Variants in SATL1 observed in about 807,000 individuals in gnomAD.
SATL1 encodes spermidine/spermine N1-acetyl transferase like 1, also known as spermidine/spermine N(1)-acetyltransferase-like protein 1.
In SATL1, 47 loss-of-function variants were observed where a neutral mutation model predicts 51.8. The observed-to-expected ratio is 0.91, with a 90% CI of 0.72 to 1.16. SATL1 has a LOEUF of 1.16. SATL1 is among the 50% of genes most tolerant of loss of function. SATL1 has a pLI of 0.00. For synonymous variants in SATL1, 176 were observed against 182.4 expected (o/e 0.97, Z 0.28); for missense variants, 520 against 526.4 (o/e 0.99, Z 0.12).
chrX:85,155,580 G>C (rs1328229835), intron 2 of SATL1, among the ~76,000 whole-genome samples: 3 of 112,050 alleles, frequency 2.7e-5, no homozygotes, highest in Non-Finnish European at 5.6e-5. Context: ...AAATAATTAA[G>C]CTGCTTTATT....
chrX:85,095,539 G>A (rs1924679358), intron 4 of SATL1, among the ~76,000 whole-genome samples: 1 of 110,194 alleles, frequency 9.1e-6, no homozygotes, highest in Non-Finnish European at 1.9e-5. Flanking sequence ...ACTAGATAAA[G>A]ATGGAGGCCG....
chrX:85,121,158 T>A (rs1314413199), intron 2 of SATL1, among the ~76,000 whole-genome samples: 1 of 109,890 alleles, frequency 9.1e-6, no homozygotes, highest in Admixed American at 9.9e-5. Context: ...CCAACCTACC[T>A]CATAGATTTT....
intron 2 of SATL1, among the ~76,000 whole-genome samples, chrX:85,148,158 C>T (rs1375427706): frequency 2.7e-5 from 3 of 111,408 alleles, no homozygotes; most frequent in Non-Finnish European, 3.8e-5. Context: ...AGCCAAGGCT[C>T]GAGAACTACG....
chrX:85,146,980 G>A (rs1030012266), intron 2 of SATL1, among the ~76,000 whole-genome samples: 6 of 112,617 alleles, frequency 5.3e-5, no homozygotes, highest in African/African-American at 9.7e-5. Flanking sequence ...AGGACAGTGG[G>A]TGCAGCGCAC....
At chrX:85,196,288 A>T (rs1569245377) in intron 2 of SATL1, among the ~76,000 whole-genome samples, 1 of 111,952 alleles carries the variant, frequency 8.9e-6, no homozygotes, top group Non-Finnish European at 1.9e-5. Context: ...GAAAAAATAA[A>T]GTAAAATAAA....
intron 2 of SATL1, among the ~76,000 whole-genome samples, chrX:85,220,687 A>AAAAAAAAAC (rs1569249782): frequency 1.1e-5 from 1 of 91,902 alleles, no homozygotes; most frequent in Non-Finnish European, 2.1e-5. Context: ...AAAAAAAAAA[A>AAAAAAAAAC]CTCTCCTGGA....
intron 2 of SATL1, among the ~76,000 whole-genome samples, chrX:85,194,539 T>G (rs1927509584): frequency 9.0e-6 from 1 of 111,267 alleles, no homozygotes; most frequent in Admixed American, 9.6e-5. Flanking sequence ...TGATTTGGAT[T>G]ACTGGGTGTT....
At chrX:85,137,628 A>G (rs112714019) in intron 2 of SATL1, among the ~76,000 whole-genome samples, 4,658 of 111,280 alleles carry the variant, frequency 0.042, 262 homozygotes, top group African/African-American at 0.15. Context: ...TTATATATCT[A>G]GGTATAGCGT....
At chrX:85,126,862 C>T (rs1190611239) in intron 2 of SATL1, among the ~76,000 whole-genome samples, 1 of 107,233 alleles carries the variant, frequency 9.3e-6, no homozygotes, top group Non-Finnish European at 1.9e-5. Context: ...ACCCCTCCCA[C>T]CCCATTTTGG....
At chrX:85,131,273 TG>T (rs1267516733) in intron 2 of SATL1, among the ~76,000 whole-genome samples, 1 of 111,449 alleles carries the variant, frequency 9.0e-6, no homozygotes. Flanking sequence ...TATTATTGTA[TG>T]GGGGTCTAAG....
chrX:85,166,806 A>C (rs1317362241), intron 2 of SATL1, among the ~76,000 whole-genome samples: 1 of 109,399 alleles, frequency 9.1e-6, no homozygotes, highest in Non-Finnish European at 1.9e-5. Flanking sequence ...AAGTCACTAT[A>C]TGAAAAAGAT....
At chrX:85,172,209 G>T (rs1212157369) in intron 2 of SATL1, among the ~76,000 whole-genome samples, 1 of 111,334 alleles carries the variant, frequency 9.0e-6, no homozygotes, top group Non-Finnish European at 1.9e-5. Flanking sequence ...ACCTAAAGAG[G>T]ATATACGCAT....
chrX:85,171,693 G>A (rs1316897226), intron 2 of SATL1, among the ~76,000 whole-genome samples: 2 of 111,348 alleles, frequency 1.8e-5, no homozygotes, highest in Non-Finnish European at 3.8e-5. Flanking sequence ...TACCCACCTT[G>A]TGGGAACTAT....
At chrX:85,191,490 A>G (rs1927437627) in intron 2 of SATL1, among the ~76,000 whole-genome samples, 1 of 111,376 alleles carries the variant, frequency 9.0e-6, no homozygotes, top group African/African-American at 3.3e-5. Context: ...CGTGGGGGTT[A>G]GGAGCACTGA....
chrX:85,133,789 T>G (rs759388442), intron 2 of SATL1, among the ~76,000 whole-genome samples: 28 of 112,052 alleles, frequency 2.5e-4, no homozygotes, highest in African/African-American at 8.4e-4. Context: ...CTTGGACCAA[T>G]CCTCTGAAGT....
chrX:85,150,717 C>T (rs1422258388), intron 2 of SATL1, among the ~76,000 whole-genome samples: 1 of 111,156 alleles, frequency 9.0e-6, no homozygotes, highest in Non-Finnish European at 1.9e-5. Flanking sequence ...ACAAAAACCA[C>T]ATGATTATCT....
chrX:85,190,717 T>A (rs944894518), intron 2 of SATL1, among the ~76,000 whole-genome samples: 1 of 111,078 alleles, frequency 9.0e-6, no homozygotes, highest in African/African-American at 3.3e-5. Flanking sequence ...AAACAAAAAA[T>A]TAGCCTCATT....
chrX:85,170,679 T>C (rs1170184579), intron 2 of SATL1, among the ~76,000 whole-genome samples: 2 of 111,728 alleles, frequency 1.8e-5, no homozygotes, highest in Non-Finnish European at 3.8e-5. Context: ...TGGATTCCAG[T>C]GTAAAATGCA....
chrX:85,121,337 AATAT>A (rs1206038171), intron 2 of SATL1, among the ~76,000 whole-genome samples: 4 of 105,298 alleles, frequency 3.8e-5, no homozygotes, highest in Non-Finnish European at 7.7e-5. Context: ...TAAATATATA[AATAT>A]ATACTATATA....
Sources: gnomAD v4.1 joint callset for allele counts (sites outside exome capture counted in the v4.1 genomes callset) on GRCh38, gnomAD v4.1.1 for gene constraint, MANE v1.5 for transcripts, NCBI Gene and HGNC (gene_info 2026-07-23, HGNC 2026-07-21) for gene names.